TAOK1: variants seen among roughly 807,000 people sequenced by gnomAD.
TAOK1 encodes serine/threonine-protein kinase TAO1.
A neutral mutation model predicts 138.3 loss-of-function variants in TAOK1; 21 were observed. That is an observed-to-expected ratio of 0.15 (90% CI 0.11 to 0.22). TAOK1 has a LOEUF of 0.22. TAOK1 is among the 10% of genes least tolerant of loss of function. TAOK1 has a pLI of 1.00. For missense variants in TAOK1, 651 were observed against 1,227.7 expected (o/e 0.53, Z 7.02); for synonymous variants, 361 against 398.4 (o/e 0.91, Z 1.12).
intron 1 of TAOK1, among the ~76,000 whole-genome samples, chr17:29,411,199 C>A (rs1905135326): frequency 7.0e-6 from 1 of 141,952 alleles, no homozygotes; most frequent in Admixed American, 7.5e-5. Flanking sequence ...TCACGCCATT[C>A]TCCTGCCTCA....
At chr17:29,431,251 G>A (rs1905818652) in intron 1 of TAOK1, among the ~76,000 whole-genome samples, 1 of 152,022 alleles carries the variant, frequency 6.6e-6, no homozygotes, top group Admixed American at 6.6e-5. Flanking sequence ...GGCCAGCCTG[G>A]GCAACATAAC....
chr17:29,495,201 AAT>A (rs2031389091), intron 10 of TAOK1, among the ~76,000 whole-genome samples: 1 of 152,196 alleles, frequency 6.6e-6, no homozygotes, highest in South Asian at 2.1e-4. Context: ...TGTTGAAACA[AAT>A]ATGACTCAGA....
chr17:29,521,764 A>G (rs929615377), intron 16 of TAOK1, among the ~76,000 whole-genome samples: 8 of 152,132 alleles, frequency 5.3e-5, no homozygotes, highest in African/African-American at 1.9e-4. Context: ...TTGTGTTTTT[A>G]GTAGAGACGG....
chr17:29,539,086 C>T (rs955633784), intron 19 of TAOK1, among the ~76,000 whole-genome samples: 1 of 151,960 alleles, frequency 6.6e-6, no homozygotes, highest in South Asian at 2.1e-4. Flanking sequence ...GATGAAACCC[C>T]GTCTCTACAA....
At chr17:29,484,643 T>A (rs2031131219) in intron 8 of TAOK1, among the ~76,000 whole-genome samples, 1 of 152,092 alleles carries the variant, frequency 6.6e-6, no homozygotes, top group Non-Finnish European at 1.5e-5. Context: ...CTCGCTCTGT[T>A]GTCCAGGCTG....
At chr17:29,429,651 A>G (rs1905763916) in intron 1 of TAOK1, among the ~76,000 whole-genome samples, 1 of 152,218 alleles carries the variant, frequency 6.6e-6, no homozygotes, top group Non-Finnish European at 1.5e-5. Flanking sequence ...TTACAATATT[A>G]TTAACTAAAC....
In TAOK1 at chr17:29,506,941, C is replaced by T. The variant is rs925626567; in HGVS notation, c.1339-955C>T. On this transcript the variant is annotated intron_variant, in intron 13 of 19. Transcript: ENST00000261716. Reference sequence around the variant, plus strand: ...TATAAAAGGAAATGAAATACTGATACATACTACAACATGGATAAACTTCAA... The same window carrying T: ...TATAAAAGGAAATGAAATACTGATATATACTACAACATGGATAAACTTCAA... Among the ~76,000 whole-genome samples, 5 of 152,206 alleles carry T rather than the reference C, an allele frequency of 3.3e-5. No individual in the cohort carries two copies. In the East Asian group the frequency reaches 7.7e-4, roughly 23 times the overall value.
intron 1 of TAOK1, among the ~76,000 whole-genome samples, chr17:29,406,124 G>A (rs79222049): frequency 0.037 from 5,623 of 152,134 alleles, 366 homozygotes; most frequent in African/African-American, 0.13. Flanking sequence ...TTCATTGTTG[G>A]GGGGATCTGT....
intron 1 of TAOK1, among the ~76,000 whole-genome samples, chr17:29,408,222 GTTT>G (rs1180646566): frequency 4.6e-5 from 6 of 130,940 alleles, no homozygotes; most frequent in Admixed American, 7.8e-5. Flanking sequence ...TGGCCATAAG[GTTT>G]TTTTTTTTTT....
chr17:29,526,817 C>CT (rs139745191), intron 17 of TAOK1, among the ~76,000 whole-genome samples: 26,769 of 63,192 alleles, frequency 0.42, 6,790 homozygotes, highest in Middle Eastern at 0.61. Context: ...GATCTCATCT[C>CT]TTAAAAAAAA....
chr17:29,502,522 T>C (rs2031548161), intron 12 of TAOK1, 67 bp from the exon 13 acceptor site: 3 of 1,511,546 alleles, frequency 2.0e-6, no homozygotes, highest in Non-Finnish European at 2.7e-6. Flanking sequence ...CTTTAAACTT[T>C]AATTTCCATA....
intron 1 of TAOK1, among the ~76,000 whole-genome samples, chr17:29,393,483 C>T (rs935482614): frequency 2.0e-5 from 3 of 151,962 alleles, no homozygotes; most frequent in Non-Finnish European, 4.4e-5. Context: ...GGAAAAATTG[C>T]CTGAGGGTTA....
At chr17:29,496,701 C>G (rs1271961940) in intron 11 of TAOK1, among the ~76,000 whole-genome samples, 1 of 151,102 alleles carries the variant, frequency 6.6e-6, no homozygotes, top group Non-Finnish European at 1.5e-5. Context: ...AATTCTCCCC[C>G]TTCAGCCTCC....
intron 11 of TAOK1, among the ~76,000 whole-genome samples, chr17:29,496,597 T>C (rs2031418737): frequency 6.7e-6 from 1 of 148,946 alleles, no homozygotes; most frequent in Non-Finnish European, 1.5e-5. Context: ...TTTTTTTTTT[T>C]TTTTTTTAAA....
At chr17:29,516,997 T>C (rs2031828473) in intron 15 of TAOK1, among the ~76,000 whole-genome samples, 1 of 151,572 alleles carries the variant, frequency 6.6e-6, no homozygotes, top group Admixed American at 6.6e-5. Context: ...TAATTTTTTT[T>C]TTTTTTTGAG....
chr17:29,444,685 T>C (rs1484792055), intron 1 of TAOK1, among the ~76,000 whole-genome samples: 1 of 152,240 alleles, frequency 6.6e-6, no homozygotes, highest in African/African-American at 2.4e-5. Context: ...TTTGTTGATA[T>C]CTACAGAAAA....
At chr17:29,482,361 A>G in intron 8 of TAOK1, 73 bp downstream of exon 8, 1 of 1,183,186 alleles carries the variant, frequency 8.5e-7, no homozygotes, top group South Asian at 1.4e-5. Flanking sequence ...ACCAATCTAT[A>G]AAAATTATAG....
intron 1 of TAOK1, among the ~76,000 whole-genome samples, chr17:29,415,612 C>T (rs991963002): frequency 5.3e-5 from 8 of 152,086 alleles, no homozygotes; most frequent in African/African-American, 2.4e-5. Flanking sequence ...AGCATCTTTT[C>T]GTGCACTCAG....
chr17:29,430,550 G>A (rs1454876175), intron 1 of TAOK1, among the ~76,000 whole-genome samples: 1 of 152,232 alleles, frequency 6.6e-6, no homozygotes, highest in Non-Finnish European at 1.5e-5. Flanking sequence ...GCTGGGGACA[G>A]CCAATATCCC....
Sources: gnomAD v4.1 joint callset for allele counts (sites outside exome capture counted in the v4.1 genomes callset) on GRCh38, gnomAD v4.1.1 for gene constraint, MANE v1.5 for transcripts, NCBI Gene and HGNC (gene_info 2026-07-23, HGNC 2026-07-21) for gene names.